Variants in ZBTB20 observed in about 807,000 individuals in gnomAD.
ZBTB20 encodes the protein zinc finger and BTB domain-containing protein 20.
A neutral mutation model predicts 56.9 loss-of-function variants in ZBTB20; 9 were observed. The ratio of observed to expected loss-of-function variants is 0.16; its 90% CI spans 0.10 to 0.28. The LOEUF is 0.28. Among genes scored for constraint, ZBTB20 ranks in the 10% least tolerant of loss-of-function variants. The pLI is 1.00. For synonymous variants in ZBTB20, 417 were observed against 420.7 expected (o/e 0.99, Z 0.11); for missense variants, 655 against 1,003.0 (o/e 0.65, Z 4.69).
chr3:114,483,614 G>T (rs1431925837), intron 7 of ZBTB20, among the ~76,000 whole-genome samples: 3 of 152,126 alleles, frequency 2.0e-5, no homozygotes, highest in Non-Finnish European at 2.9e-5. Flanking sequence ...CTGTAGACCA[G>T]AAATTTAGAA....
chr3:114,574,342 G>C (rs2053771370), intron 6 of ZBTB20, among the ~76,000 whole-genome samples: 1 of 152,076 alleles, frequency 6.6e-6, no homozygotes, highest in Admixed American at 6.5e-5. Context: ...TTTAAAGCAA[G>C]GTTCTGGATA....
intron 7 of ZBTB20, among the ~76,000 whole-genome samples, chr3:114,460,968 T>A (rs1290380241): frequency 1.3e-5 from 2 of 152,188 alleles, no homozygotes; most frequent in African/African-American, 2.4e-5. Context: ...TAAGTTGACA[T>A]AAAGCAATCA....
chr3:114,843,257 C>T (rs60444964), intron 4 of ZBTB20, among the ~76,000 whole-genome samples: 4,324 of 152,206 alleles, frequency 0.028, 133 homozygotes, highest in African/African-American at 0.072. Context: ...TAAGAGAAAA[C>T]ATTACTCTCA....
chr3:114,958,019 C>T (rs533520457), intron 3 of ZBTB20, among the ~76,000 whole-genome samples: 1 of 152,160 alleles, frequency 6.6e-6, no homozygotes, highest in Non-Finnish European at 1.5e-5. Flanking sequence ...CATGTCACTC[C>T]CCACACATTG....
intron 5 of ZBTB20, among the ~76,000 whole-genome samples, chr3:114,728,937 A>G (rs2065512159): frequency 6.6e-6 from 1 of 152,138 alleles, no homozygotes; most frequent in Admixed American, 6.5e-5. Context: ...GGGGGCAGAG[A>G]GAATCAAGAA....
At chr3:115,071,066 A>G (rs1225189072) in intron 2 of ZBTB20, among the ~76,000 whole-genome samples, 153 bp downstream of exon 2, 1 of 152,098 alleles carries the variant, frequency 6.6e-6, no homozygotes, top group Non-Finnish European at 1.5e-5. Flanking sequence ...ATATATAAAG[A>G]CACTCTGCAA....
At chr3:114,650,211 G>A (rs976482700) in intron 6 of ZBTB20, among the ~76,000 whole-genome samples, 13 of 136,176 alleles carry the variant, frequency 9.5e-5, no homozygotes, top group African/African-American at 4.4e-4. Context: ...ACTTCCACTC[G>A]TTTATATAAA....
chr3:114,633,955 G>A (rs537581722), intron 6 of ZBTB20, among the ~76,000 whole-genome samples: 1 of 152,238 alleles, frequency 6.6e-6, no homozygotes, highest in African/African-American at 2.4e-5. Context: ...AGTTTTGAAG[G>A]CATCAAATTA....
At chr3:114,775,644 A>G (rs1440176703) in intron 5 of ZBTB20, among the ~76,000 whole-genome samples, 1 of 152,016 alleles carries the variant, frequency 6.6e-6, no homozygotes, top group African/African-American at 2.4e-5. Flanking sequence ...CTTTGATCCT[A>G]GGAAATTTAT....
At chr3:114,402,019 T>C (rs1477483164) in intron 7 of ZBTB20, among the ~76,000 whole-genome samples, 2 of 152,166 alleles carry the variant, frequency 1.3e-5, no homozygotes, top group African/African-American at 2.4e-5. Context: ...ATCATGTAAA[T>C]TGGACTGGGG....
At chr3:114,391,655 G>C (rs550422515) in intron 7 of ZBTB20, among the ~76,000 whole-genome samples, 1 of 152,312 alleles carries the variant, frequency 6.6e-6, no homozygotes, top group South Asian at 2.1e-4. Context: ...CGTTAAGTTT[G>C]CACTAGGCTG....
At chr3:115,136,254 T>C (rs929569694) in intron 1 of ZBTB20, among the ~76,000 whole-genome samples, 4 of 152,112 alleles carry the variant, frequency 2.6e-5, no homozygotes, top group Non-Finnish European at 5.9e-5. Context: ...CTTGGAAAAG[T>C]ACAGGGAAAG....
intron 2 of ZBTB20, among the ~76,000 whole-genome samples, chr3:115,036,500 C>T (rs1256142225): frequency 6.6e-6 from 1 of 152,022 alleles, no homozygotes; most frequent in Non-Finnish European, 1.5e-5. Flanking sequence ...CTGCAACCTC[C>T]GCCTCCCAGG....
intron 7 of ZBTB20, among the ~76,000 whole-genome samples, chr3:114,485,358 G>A (rs771454060): frequency 6.6e-5 from 10 of 152,104 alleles, no homozygotes; most frequent in Non-Finnish European, 1.5e-4. Flanking sequence ...GTGCAGTTAA[G>A]GTGCAGACAT....
intron 1 of ZBTB20, among the ~76,000 whole-genome samples, chr3:115,076,048 T>C (rs1226525714): frequency 1.3e-5 from 2 of 151,940 alleles, no homozygotes; most frequent in South Asian, 4.1e-4. Flanking sequence ...AAGTATAAAA[T>C]AGGAAGACAA....
rs949762748 is a variant in ZBTB20 at position 114,692,646 on chromosome 3, T to C, written c.-295+882A>G. Among the ~76,000 whole-genome samples the C allele has an allele frequency of 2.6e-5, 4 of 152,132 alleles. No individual in the cohort carries two copies. In the South Asian group the frequency reaches 8.3e-4, roughly 31 times the overall value. ...CCTCCCTCTCCAGTACAGTTGCCAG[T>C]GCATTTCAATGCAGGTCAGCCTCTA... On this transcript the variant is annotated intron_variant, in intron 6 of 11. Coordinates refer to ENST00000675478, the MANE Select transcript of ZBTB20 (RefSeq NM_001348800.3).
chr3:114,566,285 G>C (rs1433717096), intron 6 of ZBTB20, among the ~76,000 whole-genome samples: 1 of 152,164 alleles, frequency 6.6e-6, no homozygotes, highest in Non-Finnish European at 1.5e-5. Flanking sequence ...CTCTTCAGAA[G>C]GGCATGCCGA....
chr3:114,945,997 A>G lies in ZBTB20; in HGVS notation c.-456+28369T>C, dbSNP rs532003231. On this transcript the variant is annotated intron_variant, in intron 3 of 11. Coordinates refer to ENST00000675478, the MANE Select transcript of ZBTB20 (RefSeq NM_001348800.3). The stretch of plus-strand genomic sequence containing the variant: ...TCACAGTTCCAAATTTGTACAAACC[A>G]ATAACATAAGCTTAAAATGTACAAA... Among the ~76,000 whole-genome samples the G allele has an allele frequency of 1.9e-4, 27 of 145,918 alleles. 2 individuals carry two copies. In the South Asian group the frequency reaches 5.1e-3, roughly 28 times the overall value.
intron 2 of ZBTB20, among the ~76,000 whole-genome samples, chr3:115,070,275 G>A (rs2082360735): frequency 6.6e-6 from 1 of 150,620 alleles, no homozygotes. Flanking sequence ...CCTTTAAAAA[G>A]TCTTTCCAAA....
Sources: allele counts gnomAD v4.1 joint callset (sites outside exome capture counted in the v4.1 genomes callset), GRCh38; gene constraint gnomAD v4.1.1; transcripts MANE v1.5; gene names NCBI Gene and HGNC (gene_info 2026-07-23, HGNC 2026-07-21).